GPX4: variants seen among roughly 807,000 people sequenced by gnomAD.
GPX4 encodes phospholipid hydroperoxide glutathione peroxidase GPX4.
GPX4 carries 28 observed loss-of-function variants against 27.8 expected under a neutral mutation model. The observed-to-expected ratio is 1.01, with a 90% CI of 0.75 to 1.38. The LOEUF (loss-of-function observed/expected upper bound fraction) is 1.38. GPX4 is among the 40% of genes most tolerant of loss of function. GPX4 has a pLI of 0.00. For synonymous variants in GPX4, 163 were observed against 107.8 expected (o/e 1.51, Z -3.17); for missense variants, 357 against 274.1 (o/e 1.30, Z -2.14).
Position 1,106,266 on chromosome 19 carries a change from G to C in GPX4, c.501G>C (p.Lys167Asn). The change falls in exon 5 of 7, where the codon AAG becomes AAC. Residue 167 changes from lysine (K) to asparagine (N), a missense_variant and splice_region_variant. Physicochemically the swap from Lys to Asn is moderately conservative, Grantham distance 94. Transcript: ENST00000354171. ...GTGCCATCAAGTGGAACTTCACCAAGGTAAGGGGGCTGTGGGGGGTAGGGG... is the reference window on the plus strand; with the variant it reads ...GTGCCATCAAGTGGAACTTCACCAACGTAAGGGGGCTGTGGGGGGTAGGGG... ...LGNAIKWNFT[K>N]FLIDKNGCVV... 4 of 1,607,086 alleles carry C rather than the reference G, an allele frequency of 2.5e-6. No individual in the cohort carries two copies. The highest frequency in any genetic ancestry group is 3.4e-6 in the Non-Finnish European group (4 of 1,175,536).
intron 1 of GPX4, 71 bp from the exon 2 acceptor site, chr19:1,105,115 C>T: frequency 6.4e-7 from 1 of 1,570,004 alleles, no homozygotes; most frequent in South Asian, 1.1e-5. Context: ...CGCTCCCGAT[C>T]CCTTCCTGCC....
At chr19:1,105,142 A>G in intron 1 of GPX4, 44 bp from the exon 2 acceptor site, 2 of 1,604,362 alleles carry the variant, frequency 1.2e-6, no homozygotes, top group Non-Finnish European at 8.5e-7. Flanking sequence ...TCCCGGGCTC[A>G]GCCTCCCGTC....
chr19:1,106,122 G>A (rs2079650625), intron 4 of GPX4, 120 bp from the exon 5 acceptor site: 1 of 926,754 alleles, frequency 1.1e-6, no homozygotes, highest in Non-Finnish European at 1.6e-6. Flanking sequence ...GGGCTTGGGG[G>A]CACTGTGGCT....
chr19:1,105,145 C>G, intron 1 of GPX4, 41 bp from the exon 2 acceptor site: 1 of 1,605,816 alleles, frequency 6.2e-7, no homozygotes, highest in Non-Finnish European at 8.5e-7. Flanking sequence ...CGGGCTCAGC[C>G]TCCCGTCCAC....
rs377465360 is a variant in GPX4, at chr19:1,106,523, G to C, written c.562-17G>C. On this transcript the variant is annotated splice_polypyrimidine_tract_variant and intron_variant, in intron 6 of 6. Transcript: ENST00000354171. Reference sequence around the variant, plus strand: ...CTTGGGAGGTAGCTGCCCTAACCCAGCTTTCCTCCCCGACAGGTGATAGAG... The same window carrying C: ...CTTGGGAGGTAGCTGCCCTAACCCACCTTTCCTCCCCGACAGGTGATAGAG... 4 of 1,612,784 alleles carry C rather than the reference G, an allele frequency of 2.5e-6. No homozygotes were observed. The highest frequency in any genetic ancestry group is 2.7e-5 in the African/African-American group (2 of 74,992).
chr19:1,105,149 C>A (rs765117498), intron 1 of GPX4, 37 bp from the exon 2 acceptor site: 14 of 1,606,862 alleles, frequency 8.7e-6, no homozygotes, highest in African/African-American at 2.7e-5. Flanking sequence ...CTCAGCCTCC[C>A]GTCCACGCTC....
At position 1,106,675 on chromosome 19, in the gene GPX4, C is replaced by T. The variant is rs113282777; in HGVS notation, c.*103C>T. The T allele has an allele frequency of 1.8e-4, 276 of 1,513,466 alleles. 2 individuals carry two copies. The African/African-American group carries it at 3.0e-3, about 16-fold the overall frequency. The allele number at this position is 1,513,466 out of a possible 1,614,324, so 93.8% of individuals were successfully genotyped here. ...TGCAAACCTGCTGGTGGGGCAGACC[C>T]GAAAATCCAGCGTGCACCCCGCCGG... On this transcript the variant is annotated 3_prime_UTR_variant, in exon 7 of 7. Transcript: ENST00000354171.
chr19:1,104,036 C>T lies in GPX4; in HGVS notation c.-8C>T, dbSNP rs1248201976. The T allele has an allele frequency of 5.3e-6, 8 of 1,518,566 alleles. No homozygotes were observed. The African/African-American group carries it at 5.7e-5, about 11-fold the overall frequency. 94.1% of individuals were successfully genotyped at this position (1,518,566 alleles called of 1,614,324 possible). A position where few individuals can be genotyped will look rare whatever the true frequency, so the allele number is the denominator to read the frequency against. Reference sequence around the variant, plus strand: ...GGGGAGGAGCCGCTGGCTCCCAGCCCCGCCGCGATGAGCCTCGGCCGCCTT... The same window carrying T: ...GGGGAGGAGCCGCTGGCTCCCAGCCTCGCCGCGATGAGCCTCGGCCGCCTT... On this transcript the variant is annotated 5_prime_UTR_variant, in exon 1 of 7. Transcript: ENST00000354171.
At chr19:1,105,977 A>T in intron 4 of GPX4, 168 bp downstream of exon 4, 1 of 824,250 alleles carries the variant, frequency 1.2e-6, no homozygotes, top group Non-Finnish European at 1.8e-6. Context: ...GCTCAGGGGG[A>T]CATAGAGGGC....
chr19:1,104,750 G>A (rs1279377716), intron 1 of GPX4: 2 of 985,898 alleles, frequency 2.0e-6, no homozygotes, highest in Non-Finnish European at 2.4e-6. Flanking sequence ...CCGCGCGGGC[G>A]CAGGCTCCCC....
chr19:1,105,035 G>T (rs1253646418), intron 1 of GPX4, 151 bp from the exon 2 acceptor site: 1 of 1,467,284 alleles, frequency 6.8e-7, no homozygotes, highest in Admixed American at 2.3e-5. Context: ...ACAAGGGGGC[G>T]TGTGCGTTTA....
rs2079620901 is a variant in GPX4, at chr19:1,104,109, T to C, written c.66T>C (p.Pro22=). The C allele has an allele frequency of 1.3e-6, 2 of 1,503,958 alleles. No homozygotes were observed. Among genetic ancestry groups the C allele is most frequent in the Admixed American group, 2.1e-5 (1 of 48,168 alleles). The allele number at this position is 1,503,958 out of a possible 1,614,324, so 93.2% of individuals were successfully genotyped here. A position where few individuals can be genotyped will look rare whatever the true frequency, so the allele number is the denominator to read the frequency against. The change falls in exon 1 of 7, where the codon CCT becomes CCC. Residue 22 remains proline (P), a synonymous_variant. Coordinates refer to ENST00000354171, the MANE Select transcript of GPX4 (RefSeq NM_002085.5). ...TGCTCTGTGGGGCTCTGGCCGCGCCTGGCCTGGCCGGGACCATGGTGAGCT... is the reference window on the plus strand; with the variant it reads ...TGCTCTGTGGGGCTCTGGCCGCGCCCGGCCTGGCCGGGACCATGGTGAGCT... The part of the protein sequence containing the change: ...PALLCGALAA[P]GLAGTMCASR...
At chr19:1,106,056 G>GTGATAGAGAA in intron 4 of GPX4, 186 bp from the exon 5 acceptor site, 1 of 675,662 alleles carries the variant, frequency 1.5e-6, no homozygotes, top group Admixed American at 3.0e-5. Context: ...GGGGCCTGTG[G>GTGATAGAGAA]GGGGCTGTTG....
intron 1 of GPX4, chr19:1,104,749 C>T: frequency 1.0e-6 from 1 of 985,718 alleles, no homozygotes; most frequent in Non-Finnish European, 1.2e-6. Context: ...GCCGCGCGGG[C>T]GCAGGCTCCC....
In GPX4 at chr19:1,105,489, G is replaced by C. The variant is rs545537200; in HGVS notation, c.303G>C (p.Pro101=). Residue 101 remains proline (P), a synonymous_variant, in exon 3 of 7, where the codon CCG becomes CCC. Coordinates refer to ENST00000354171, the MANE Select transcript of GPX4 (RefSeq NM_002085.5). ...AECGLRILAF[P]CNQFGKQEPG... ...GTGGTTTGCGGATCCTGGCCTTCCC[G>C]TGTAACCAGTTCGGGAAGCAGGTGG... is the stretch of plus-strand genomic sequence containing the variant. 4 of 1,611,956 alleles carry C rather than the reference G, an allele frequency of 2.5e-6. No homozygotes were observed. Among genetic ancestry groups the C allele is most frequent in the African/African-American group, 2.7e-5 (2 of 75,028 alleles).
rs2079663466 is a variant in GPX4, at chr19:1,106,692, C to T, written c.*120C>T. The T allele has an allele frequency of 7.3e-7, 1 of 1,371,418 alleles. No individual in the cohort carries two copies. The highest frequency in any genetic ancestry group is 1.0e-6 in the Non-Finnish European group (1 of 998,694). 85.0% of individuals were successfully genotyped at this position (1,371,418 alleles called of 1,614,324 possible). A position where few individuals can be genotyped will look rare whatever the true frequency, so the allele number is the denominator to read the frequency against. ...GGCAGACCCGAAAATCCAGCGTGCA[C>T]CCCGCCGGAGGAAGGTCCCATGGCC... On this transcript the variant is annotated 3_prime_UTR_variant, in exon 7 of 7. Transcript: ENST00000354171.
At chr19:1,105,159 C>A in intron 1 of GPX4, 27 bp from the exon 2 acceptor site, 1 of 1,611,348 alleles carries the variant, frequency 6.2e-7, no homozygotes, top group South Asian at 1.1e-5. Flanking sequence ...CGTCCACGCT[C>A]CCTGCTCAGC....
At chr19:1,104,165 G>T (rs2079621572) in intron 1 of GPX4, 38 bp downstream of exon 1, 5 of 1,398,762 alleles carry the variant, frequency 3.6e-6, no homozygotes, top group Non-Finnish European at 3.7e-6. Flanking sequence ...CCCGGTGACC[G>T]TTGGGGCGGG....
Position 1,106,575 on chromosome 19 carries a change from C to G in GPX4, c.*3C>G, listed in dbSNP as rs1365410015. On this transcript the variant is annotated 3_prime_UTR_variant, in exon 7 of 7. Transcript: ENST00000354171. ...AGGACCTGCCCCACTATTTCTAGCT[C>G]CACAAGTGTGTGGCCCCGCCCGAGC... 3 of 1,613,336 alleles carry G rather than the reference C, an allele frequency of 1.9e-6. No homozygotes were observed. Among genetic ancestry groups the G allele is most frequent in the Non-Finnish European group, 2.5e-6 (3 of 1,179,888 alleles).
Sources: gnomAD v4.1 joint callset for allele counts on GRCh38, gnomAD v4.1.1 for gene constraint, MANE v1.5 for transcripts, NCBI Gene and HGNC (gene_info 2026-07-23, HGNC 2026-07-21) for gene names.